Variants in PPFIA2 observed in about 807,000 individuals in gnomAD.
PPFIA2 encodes PPFI scaffold protein A2, also known as liprin-alpha-2.
Under a neutral mutation model 175.5 loss-of-function variants are expected in PPFIA2, and 46 were observed. That is an observed-to-expected ratio of 0.26 (90% CI 0.21 to 0.34). PPFIA2 has a LOEUF of 0.34. Among genes scored for constraint, PPFIA2 ranks in the 10% least tolerant of loss-of-function variants. PPFIA2 has a pLI of 1.00. For missense variants in PPFIA2, 1,179 were observed against 1,506.1 expected (o/e 0.78, Z 3.60); for synonymous variants, 568 against 511.4 (o/e 1.11, Z -1.49).
chr12:81,450,025 A>C (rs1424846868), intron 5 of PPFIA2, among the ~76,000 whole-genome samples: 1 of 152,056 alleles, frequency 6.6e-6, no homozygotes, highest in Non-Finnish European at 1.5e-5. Flanking sequence ...ACATTTTCTC[A>C]ATCCAGTCTA....
At chr12:81,560,270 G>A (rs2069759446) in intron 4 of PPFIA2, among the ~76,000 whole-genome samples, 2 of 151,886 alleles carry the variant, frequency 1.3e-5, no homozygotes, top group African/African-American at 4.8e-5. Flanking sequence ...GTATGTGTGT[G>A]TGTGAGAGAG....
At chr12:81,469,458 A>G (rs2056343935) in intron 4 of PPFIA2, among the ~76,000 whole-genome samples, 1 of 152,210 alleles carries the variant, frequency 6.6e-6, no homozygotes, top group South Asian at 2.1e-4. Flanking sequence ...GCACCCCTGT[A>G]GGAGGGTATG....
intron 27 of PPFIA2, 120 bp downstream of exon 27, chr12:81,281,137 A>G: frequency 1.3e-6 from 1 of 775,094 alleles, no homozygotes; most frequent in Non-Finnish European, 1.9e-6. Context: ...TATACAAACG[A>G]TGTTTCAAAT....
At chr12:81,425,716 A>ACT (rs150460899) in intron 7 of PPFIA2, among the ~76,000 whole-genome samples, 8 of 148,822 alleles carry the variant, frequency 5.4e-5, no homozygotes, top group African/African-American at 1.5e-4. Context: ...CTTTTAAAAG[A>ACT]CTCTCTCTCT....
At chr12:81,366,538 C>T (rs2033490556) in intron 14 of PPFIA2, among the ~76,000 whole-genome samples, 1 of 151,604 alleles carries the variant, frequency 6.6e-6, no homozygotes. Context: ...CATGGTCTTT[C>T]CTACCTGTAG....
intron 4 of PPFIA2, among the ~76,000 whole-genome samples, chr12:81,616,932 A>G (rs1356821654): frequency 6.6e-6 from 1 of 152,184 alleles, no homozygotes; most frequent in African/African-American, 2.4e-5. Flanking sequence ...TGCTGATTGC[A>G]TTATTATTCA....
Position 81,483,643 on chromosome 12 carries a change from T to C in PPFIA2, c.304-25777A>G, listed in dbSNP as rs532473513. Among the ~76,000 whole-genome samples the C allele has an allele frequency of 1.3e-4, 20 of 152,138 alleles. No individual in the cohort carries two copies. In the South Asian group the frequency reaches 3.7e-3, roughly 28 times the overall value. ...TCTGTGAATAAGCTAAAAAAAACACTGAACTATACACTTTAAAAGGTGAAT... is the reference window on the plus strand; with the variant it reads ...TCTGTGAATAAGCTAAAAAAAACACCGAACTATACACTTTAAAAGGTGAAT... On this transcript the variant is annotated intron_variant, in intron 4 of 32. Coordinates refer to ENST00000549396, the MANE Select transcript of PPFIA2 (RefSeq NM_003625.5).
At chr12:81,420,509 C>A (rs1358311581) in intron 7 of PPFIA2, among the ~76,000 whole-genome samples, 1 of 151,768 alleles carries the variant, frequency 6.6e-6, no homozygotes, top group East Asian at 1.9e-4. Flanking sequence ...AACAGAAGTT[C>A]TGGAGCTGAA....
At chr12:81,606,127 A>G (rs1361406853) in intron 4 of PPFIA2, among the ~76,000 whole-genome samples, 1 of 151,958 alleles carries the variant, frequency 6.6e-6, no homozygotes, top group Non-Finnish European at 1.5e-5. Flanking sequence ...AGCTCCATCT[A>G]TGTTTCTGCA....
At chr12:81,369,764 C>G (rs1477957682) in intron 11 of PPFIA2, among the ~76,000 whole-genome samples, 1 of 151,658 alleles carries the variant, frequency 6.6e-6, no homozygotes, top group East Asian at 1.9e-4. Context: ...ACTAAAGACA[C>G]TGACACCAAA....
At chr12:81,620,381 A>C (rs1360025969) in intron 4 of PPFIA2, among the ~76,000 whole-genome samples, 7 of 152,128 alleles carry the variant, frequency 4.6e-5, no homozygotes, top group Admixed American at 6.5e-5. Flanking sequence ...ACATCGTTCA[A>C]AATTTTCCTC....
At chr12:81,293,106 T>G (rs2045482126) in intron 24 of PPFIA2, among the ~76,000 whole-genome samples, 2 of 152,000 alleles carry the variant, frequency 1.3e-5, no homozygotes, top group South Asian at 4.1e-4. Flanking sequence ...AATAAAGTAA[T>G]AAGACTTTTT....
At chr12:81,532,244 T>C (rs1364372333) in intron 4 of PPFIA2, among the ~76,000 whole-genome samples, 1 of 151,764 alleles carries the variant, frequency 6.6e-6, no homozygotes, top group African/African-American at 2.4e-5. Context: ...TATATACCCT[T>C]GGGTTGTGGG....
At chr12:81,432,859 A>C (rs2144597798) in intron 7 of PPFIA2, among the ~76,000 whole-genome samples, 1 of 152,302 alleles carries the variant, frequency 6.6e-6, no homozygotes, top group Middle Eastern at 3.4e-3. Context: ...TTGTTAAAGT[A>C]CCATGATTAG....
chr12:81,388,612 A>T (rs2039472982), intron 8 of PPFIA2, among the ~76,000 whole-genome samples: 1 of 152,084 alleles, frequency 6.6e-6, no homozygotes. Context: ...ATCAAAATTG[A>T]CAGAATTGTG....
At chr12:81,383,982 C>A in intron 9 of PPFIA2, 41 bp downstream of exon 9, 1 of 1,461,300 alleles carries the variant, frequency 6.8e-7, no homozygotes, top group Non-Finnish European at 9.6e-7. Flanking sequence ...TCAGAAGCAG[C>A]ATTCAGAAAT....
chr12:81,344,826 A>G (rs1411610670), intron 18 of PPFIA2, 133 bp from the exon 19 acceptor site: 1 of 656,308 alleles, frequency 1.5e-6, no homozygotes, highest in East Asian at 2.9e-5. Context: ...TTTCTAAATA[A>G]ACATATTTTA....
At chr12:81,496,246 T>C (rs892336349) in intron 4 of PPFIA2, among the ~76,000 whole-genome samples, 16 of 152,172 alleles carry the variant, frequency 1.1e-4, no homozygotes, top group African/African-American at 3.9e-4. Context: ...AAATCATTTT[T>C]AGGAAAGGAG....
intron 4 of PPFIA2, among the ~76,000 whole-genome samples, chr12:81,522,426 T>A (rs1161664876): frequency 6.6e-6 from 1 of 151,990 alleles, no homozygotes; most frequent in Non-Finnish European, 1.5e-5. Context: ...AGATTCACTC[T>A]CTGAAAAAAA....
Sources: allele counts gnomAD v4.1 joint callset (sites outside exome capture counted in the v4.1 genomes callset), GRCh38; gene constraint gnomAD v4.1.1; transcripts MANE v1.5; gene names NCBI Gene and HGNC (gene_info 2026-07-23, HGNC 2026-07-21).